NT5E: variants seen among roughly 807,000 people sequenced by gnomAD.
The protein encoded by NT5E is 5'-nucleotidase ecto, also known as 5'-nucleotidase.
A neutral mutation model predicts 55.1 loss-of-function variants in NT5E; 53 were observed. That is an observed-to-expected ratio of 0.96 (90% CI 0.77 to 1.21). The LOEUF is 1.21. Ranked by LOEUF, NT5E falls within the 50% of genes most tolerant of loss-of-function variation. NT5E has a pLI of 0.00. For missense variants in NT5E, 683 were observed against 724.3 expected (o/e 0.94, Z 0.65); for synonymous variants, 270 against 278.4 (o/e 0.97, Z 0.30).
intron 3 of NT5E, among the ~76,000 whole-genome samples, chr6:85,483,582 T>C (rs191215036): frequency 6.6e-6 from 1 of 152,364 alleles, no homozygotes; most frequent in East Asian, 1.9e-4. Flanking sequence ...TTTTCTTTTT[T>C]TTCCCCAGTG....
intron 2 of NT5E, among the ~76,000 whole-genome samples, chr6:85,469,363 G>GTACC (rs1769258861): frequency 6.6e-6 from 1 of 151,908 alleles, no homozygotes; most frequent in African/African-American, 2.4e-5. Flanking sequence ...ATTCCCCTGG[G>GTACC]TACCTGTCTG....
At chr6:85,459,331 G>C (rs552340916) in intron 1 of NT5E, among the ~76,000 whole-genome samples, 1 of 152,188 alleles carries the variant, frequency 6.6e-6, no homozygotes, top group Admixed American at 6.5e-5. Context: ...ATGAGCTAGC[G>C]TGTAAGTGAC....
At chr6:85,474,212 T>G (rs1209650766) in intron 3 of NT5E, among the ~76,000 whole-genome samples, 1 of 152,246 alleles carries the variant, frequency 6.6e-6, no homozygotes, top group African/African-American at 2.4e-5. Context: ...TTACTTATAA[T>G]ACTTGATACA....
chr6:85,489,516 C>T lies in NT5E; in HGVS notation c.1127C>T (p.Thr376Met), dbSNP rs768995703. 1.2e-5 allele frequency: 19 copies of T among 1,613,318 alleles called. No individual in the cohort carries two copies. The highest frequency in any genetic ancestry group is 4.5e-5 in the East Asian group (2 of 44,852). ...CAGATTAACAACAACCTGAGACACA[C>T]GGATGAAATGTTCTGGAACCACGTA... The part of the protein sequence containing the change: ...DAMINNNLRH[T>M]DEMFWNHVSM... The change falls in exon 6 of 9, where the codon ACG becomes ATG. Residue 376 changes from threonine (T) to methionine (M), a missense_variant. Physicochemically the swap from Thr to Met is moderately conservative, Grantham distance 81. Transcript: ENST00000257770.
chr6:85,486,899 G>A (rs1205026606), intron 4 of NT5E, among the ~76,000 whole-genome samples: 1 of 152,134 alleles, frequency 6.6e-6, no homozygotes, highest in East Asian at 1.9e-4. Context: ...AGGAAGATGA[G>A]GTGCACAGCA....
At position 85,472,470 on chromosome 6, in the gene NT5E, T is replaced by C. The variant is rs190939819; in HGVS notation, c.751+1045T>C. On this transcript the variant is annotated intron_variant, in intron 3 of 8. Coordinates refer to ENST00000257770, the MANE Select transcript of NT5E (RefSeq NM_002526.4). ...CAATCGGAAAGCAAAATATAAATTATAAAAAGGAAAGAAACACAATATTGG... is the reference window on the plus strand; with the variant it reads ...CAATCGGAAAGCAAAATATAAATTACAAAAAGGAAAGAAACACAATATTGG... Among the ~76,000 whole-genome samples, 55 of 152,264 alleles carry C rather than the reference T, an allele frequency of 3.6e-4. 1 individual carries two copies. Among genetic ancestry groups the C allele is most frequent in the Admixed American group, 1.4e-3 (21 of 15,286 alleles).
chr6:85,478,393 A>G (rs1769477362), intron 3 of NT5E, among the ~76,000 whole-genome samples: 1 of 152,236 alleles, frequency 6.6e-6, no homozygotes, highest in African/African-American at 2.4e-5. Context: ...GCCCACTCAT[A>G]GGTACGAATC....
At chr6:85,471,666 A>G (rs892999776) in intron 3 of NT5E, 2 of 185,378 alleles carry the variant, frequency 1.1e-5, no homozygotes, top group African/African-American at 4.7e-5. Flanking sequence ...TATAATAAAT[A>G]TATAAGACAT....
intron 2 of NT5E, among the ~76,000 whole-genome samples, chr6:85,468,341 G>A (rs1387977347): frequency 6.6e-6 from 1 of 152,150 alleles, no homozygotes; most frequent in Non-Finnish European, 1.5e-5. Flanking sequence ...AGAAGAGTGA[G>A]AGAACTTGCT....
At position 85,489,612 on chromosome 6, in the gene NT5E, GC is replaced by G; in HGVS notation, c.1210+16del. ...GAACGCAACAATGGTATGCTCCCAG[GC>G]CCAGCTCCTCAGTGTGTCATGTTCT... On this transcript the variant is annotated intron_variant, in intron 6 of 8. Transcript: ENST00000257770. The G allele has an allele frequency of 6.4e-7, 1 of 1,568,530 alleles. No homozygotes were observed. Among genetic ancestry groups the G allele is most frequent in the Non-Finnish European group, 8.8e-7 (1 of 1,140,012 alleles).
chr6:85,492,289 C>T (rs565468032), intron 8 of NT5E, 112 bp downstream of exon 8: 1 of 920,732 alleles, frequency 1.1e-6, no homozygotes, highest in East Asian at 2.5e-5. Flanking sequence ...CTGACTCCCT[C>T]CTGCTTTGCT....
At chr6:85,474,882 T>C (rs1769394866) in intron 3 of NT5E, among the ~76,000 whole-genome samples, 1 of 152,156 alleles carries the variant, frequency 6.6e-6, no homozygotes, top group Non-Finnish European at 1.5e-5. Flanking sequence ...TGCAGTGAGC[T>C]ATGATCACTC....
intron 2 of NT5E, among the ~76,000 whole-genome samples, chr6:85,469,592 G>A (rs1444789355): frequency 6.6e-6 from 1 of 152,316 alleles, no homozygotes. Flanking sequence ...TCAAGGAAAG[G>A]CTCACATAGA....
intron 1 of NT5E, among the ~76,000 whole-genome samples, chr6:85,460,004 G>C (rs1368113719): frequency 6.6e-6 from 1 of 152,204 alleles, no homozygotes; most frequent in African/African-American, 2.4e-5. Flanking sequence ...TCTCTATACA[G>C]GCCAAAAACT....
At chr6:85,464,911 C>G (rs1020715882) in intron 1 of NT5E, among the ~76,000 whole-genome samples, 2 of 152,132 alleles carry the variant, frequency 1.3e-5, no homozygotes, top group Admixed American at 6.5e-5. Flanking sequence ...TGGTGGCATC[C>G]TGGGCCAAGA....
chr6:85,482,153 A>G (rs1769562488), intron 3 of NT5E, among the ~76,000 whole-genome samples: 1 of 152,246 alleles, frequency 6.6e-6, no homozygotes, highest in African/African-American at 2.4e-5. Context: ...TTCTTGTGTT[A>G]AAATCATAGC....
At chr6:85,452,989 A>G (rs1768916833) in intron 1 of NT5E, among the ~76,000 whole-genome samples, 1 of 152,172 alleles carries the variant, frequency 6.6e-6, no homozygotes, top group Non-Finnish European at 1.5e-5. Context: ...GAATCCAGCT[A>G]AAACACAGGA....
chr6:85,486,384 T>A (rs1306133662), intron 4 of NT5E, among the ~76,000 whole-genome samples: 1 of 152,160 alleles, frequency 6.6e-6, no homozygotes, highest in Admixed American at 6.5e-5. Context: ...GATAACCAGT[T>A]AGACCAGAAA....
chr6:85,466,039 A>G (rs996885205), intron 1 of NT5E, among the ~76,000 whole-genome samples: 6 of 152,168 alleles, frequency 3.9e-5, no homozygotes, highest in African/African-American at 1.4e-4. Flanking sequence ...CAGCCAGAGC[A>G]GGTAGGGTAG....
Sources: gnomAD v4.1 joint callset for allele counts (sites outside exome capture counted in the v4.1 genomes callset) on GRCh38, gnomAD v4.1.1 for gene constraint, MANE v1.5 for transcripts, NCBI Gene and HGNC (gene_info 2026-07-23, HGNC 2026-07-21) for gene names.